The following PGM5 variants were observed in gnomAD, a reference collection of about 807,000 sequenced individuals.
The protein encoded by PGM5 is phosphoglucomutase-like protein 5.
A neutral mutation model predicts 59.2 loss-of-function variants in PGM5; 23 were observed. The observed-to-expected ratio is 0.39, with a 90% CI of 0.28 to 0.55. The LOEUF is 0.55. Among genes scored for constraint, PGM5 ranks in the 20% least tolerant of loss-of-function variants. The pLI, the probability that PGM5 is intolerant of heterozygous loss-of-function variation, is 0.66. For synonymous variants in PGM5, 214 were observed against 286.0 expected (o/e 0.75, Z 2.54); for missense variants, 574 against 748.3 (o/e 0.77, Z 2.72).
chr9:68,517,305 C>T (rs1427647721), intron 10 of PGM5, among the ~76,000 whole-genome samples: 1 of 152,124 alleles, frequency 6.6e-6, no homozygotes, highest in Admixed American at 6.5e-5. Context: ...TTGCTGGGCT[C>T]TTACGCAAAT....
intron 10 of PGM5, 78 bp downstream of exon 10, chr9:68,499,439 G>A: frequency 6.9e-7 from 1 of 1,443,234 alleles, no homozygotes; most frequent in South Asian, 1.3e-5. Flanking sequence ...GCCTTTAGTG[G>A]GGCTATTTTA....
chr9:68,411,354 G>A (rs1284201033), intron 6 of PGM5, among the ~76,000 whole-genome samples: 3 of 150,104 alleles, frequency 2.0e-5, no homozygotes, highest in Non-Finnish European at 4.4e-5. Flanking sequence ...GAGACATACA[G>A]CGACCCTATC....
In PGM5 at chr9:68,437,854, G is replaced by A. The variant is rs925374058; in HGVS notation, c.1044-27239G>A. Among the ~76,000 whole-genome samples, 1 of 152,168 alleles carries A rather than the reference G, an allele frequency of 6.6e-6. No homozygotes were observed. Among genetic ancestry groups the A allele is most frequent in the Non-Finnish European group, 1.5e-5 (1 of 68,032 alleles). Reference sequence around the variant, plus strand: ...TATAGCAATATTTGTCTGAAGCTGAGTGGAGGCTGTTTCTAACAGCCACAC... The same window carrying A: ...TATAGCAATATTTGTCTGAAGCTGAATGGAGGCTGTTTCTAACAGCCACAC... On this transcript the variant is annotated intron_variant, in intron 6 of 10. Coordinates refer to ENST00000396396, the MANE Select transcript of PGM5 (RefSeq NM_021965.4). The surrounding 1 kb of genome is among the most constrained non-coding windows in gnomAD (Gnocchi z 4.1).
At chr9:68,401,535 A>T (rs1294645821) in intron 6 of PGM5, among the ~76,000 whole-genome samples, 1 of 151,930 alleles carries the variant, frequency 6.6e-6, no homozygotes, top group Non-Finnish European at 1.5e-5. Context: ...TGGATCCAAT[A>T]CTGAAAGAAG....
At chr9:68,517,261 G>C (rs1018438071) in intron 10 of PGM5, among the ~76,000 whole-genome samples, 1 of 152,010 alleles carries the variant, frequency 6.6e-6, no homozygotes, top group Non-Finnish European at 1.5e-5. Context: ...AATAGGGGAC[G>C]GGGAGGACTG....
At chr9:68,492,050 G>T (rs1304808465) in intron 9 of PGM5, among the ~76,000 whole-genome samples, 1 of 152,176 alleles carries the variant, frequency 6.6e-6, no homozygotes, top group Non-Finnish European at 1.5e-5. Context: ...ATTATCGAAT[G>T]ACAACACAGT....
chr9:68,505,577 G>A lies in PGM5; in HGVS notation c.1614+6216G>A, dbSNP rs566900332. ...CTCACTGACCTCAGAAAAGTGCTTC[G>A]CTTAGCATTACTGGTTTATTATAAA... On this transcript the variant is annotated intron_variant, in intron 10 of 10. Coordinates refer to ENST00000396396, the MANE Select transcript of PGM5 (RefSeq NM_021965.4). 2.0e-5 allele frequency among the ~76,000 whole-genome samples: 3 copies of A among 152,220 alleles called. No homozygotes were observed. In the South Asian group the frequency reaches 6.2e-4, roughly 32 times the overall value.
chr9:68,411,598 A>G (rs1822934982), intron 6 of PGM5, among the ~76,000 whole-genome samples: 1 of 151,698 alleles, frequency 6.6e-6, no homozygotes, highest in Non-Finnish European at 1.5e-5. Flanking sequence ...GCTTATTACA[A>G]CTTACTCACT....
chr9:68,460,155 T>C (rs1021469773), intron 6 of PGM5, among the ~76,000 whole-genome samples: 2 of 152,240 alleles, frequency 1.3e-5, no homozygotes, highest in Admixed American at 6.5e-5. Flanking sequence ...CCTCACACAC[T>C]TGATATGATC....
At chr9:68,396,421 C>T (rs1387579861) in intron 6 of PGM5, 2 of 152,128 alleles carry the variant, frequency 1.3e-5, no homozygotes, top group Admixed American at 1.3e-4. Context: ...CAAACCATGG[C>T]TAGGGGAGGC....
chr9:68,408,768 G>C (rs1279964456), intron 6 of PGM5, among the ~76,000 whole-genome samples: 3 of 152,118 alleles, frequency 2.0e-5, no homozygotes, highest in African/African-American at 7.2e-5. Flanking sequence ...GTAAGGAAGG[G>C]ATCCAGTTTC....
At chr9:68,529,295 A>G (rs914979350) in intron 10 of PGM5, among the ~76,000 whole-genome samples, 3 of 151,074 alleles carry the variant, frequency 2.0e-5, no homozygotes, top group Non-Finnish European at 2.9e-5. Context: ...CAGTGCTCTC[A>G]TGTTTGGTAG....
intron 1 of PGM5, among the ~76,000 whole-genome samples, chr9:68,376,788 TC>T (rs1175742289): frequency 9.6e-6 from 1 of 103,638 alleles, no homozygotes; most frequent in Non-Finnish European, 2.0e-5. Flanking sequence ...TTTCTTTCTT[TC>T]TTTCTTTCTT....
chr9:68,409,982 C>G (rs1351093367), intron 6 of PGM5, among the ~76,000 whole-genome samples: 2 of 152,136 alleles, frequency 1.3e-5, no homozygotes, highest in Non-Finnish European at 2.9e-5. Flanking sequence ...CTTTCCCCAT[C>G]TAGAAGGGCT....
chr9:68,510,074 A>C (rs781947338), intron 10 of PGM5, among the ~76,000 whole-genome samples: 4 of 152,160 alleles, frequency 2.6e-5, no homozygotes, highest in Non-Finnish European at 2.9e-5. Flanking sequence ...GCACCCCAAC[A>C]AGATTTTGTT....
intron 3 of PGM5, among the ~76,000 whole-genome samples, chr9:68,386,657 A>T (rs566881266): frequency 2.0e-5 from 3 of 152,080 alleles, no homozygotes; most frequent in East Asian, 1.9e-4. Flanking sequence ...CTATGAATTT[A>T]AAAAAGCAGG....
At chr9:68,493,346 G>A (rs1824430758) in intron 9 of PGM5, among the ~76,000 whole-genome samples, 1 of 152,062 alleles carries the variant, frequency 6.6e-6, no homozygotes, top group Non-Finnish European at 1.5e-5. Context: ...TCTACATAAG[G>A]CTCTGTGTCA....
rs369093779 is a variant in PGM5 at position 68,501,015 on chromosome 9, C to T, written c.1614+1654C>T. Among the ~76,000 whole-genome samples, 80 of 152,086 alleles carry T rather than the reference C, an allele frequency of 5.3e-4. 1 individual carries two copies. The South Asian group carries it at 0.012, about 23-fold the overall frequency. On this transcript the variant is annotated intron_variant, in intron 10 of 10. Coordinates refer to ENST00000396396, the MANE Select transcript of PGM5 (RefSeq NM_021965.4). ...GAAGCTGAAAGTCTCCATCAGCCTA[C>T]TCTTAGAAGGTCATGTGAGTAAAGG... is the stretch of plus-strand genomic sequence containing the variant.
chr9:68,477,073 T>C (rs773279314), intron 7 of PGM5, among the ~76,000 whole-genome samples: 4 of 152,196 alleles, frequency 2.6e-5, no homozygotes, highest in Non-Finnish European at 4.4e-5. Context: ...CAGTTGGCCA[T>C]GGAGCTAACT....
Sources: allele counts gnomAD v4.1 joint callset (sites outside exome capture counted in the v4.1 genomes callset), GRCh38; gene constraint gnomAD v4.1.1; non-coding constraint Gnocchi (gnomAD v3.1); transcripts MANE v1.5; gene names NCBI Gene and HGNC (gene_info 2026-07-23, HGNC 2026-07-21).